The following ROR1 variants were observed in gnomAD, a reference collection of about 807,000 sequenced individuals.
The protein encoded by ROR1 is ROR family WNT receptor 1.
ROR1 carries 19 observed loss-of-function variants against 78.8 expected under a neutral mutation model. The ratio of observed to expected loss-of-function variants is 0.24; its 90% confidence interval spans 0.17 to 0.35. ROR1 has a LOEUF of 0.35. Among genes scored for constraint, ROR1 ranks in the 10% least tolerant of loss-of-function variants. The probability of loss-of-function intolerance (pLI) is 1.00; values close to 1 mark genes in which losing one functional copy is unlikely to be tolerated. For synonymous variants in ROR1, 386 were observed against 433.6 expected (o/e 0.89, Z 1.36); for missense variants, 917 against 1,177.8 (o/e 0.78, Z 3.24).
intron 2 of ROR1, among the ~76,000 whole-genome samples, chr1:64,035,826 CCAGACATCTTGCCAGAGTTTCACAAGAAA>C (rs1276583192): frequency 6.6e-6 from 1 of 152,118 alleles, no homozygotes; most frequent in Non-Finnish European, 1.5e-5. Flanking sequence ...CGAAACCTGG[CCAGACATCTTGCCAGAGTTTCACAAGAAA>C]CCCTTGCATC....
At chr1:64,038,714 C>T (rs1246213801) in intron 2 of ROR1, among the ~76,000 whole-genome samples, 1 of 152,136 alleles carries the variant, frequency 6.6e-6, no homozygotes, top group East Asian at 1.9e-4. Context: ...GATGAGTGAT[C>T]TTTGAGTGCA....
chr1:64,158,577 G>C (rs764942050), intron 7 of ROR1, among the ~76,000 whole-genome samples: 11 of 152,176 alleles, frequency 7.2e-5, no homozygotes, highest in Non-Finnish European at 5.9e-5. Flanking sequence ...TGTGGGGGCT[G>C]ATCTGGGCTG....
chr1:63,950,479 C>T (rs1408287810), intron 1 of ROR1, among the ~76,000 whole-genome samples: 1 of 152,166 alleles, frequency 6.6e-6, no homozygotes, highest in Non-Finnish European at 1.5e-5. Context: ...GTGAGGACGA[C>T]CAGAGGTCAC....
chr1:64,024,781 A>G (rs1646595171), intron 2 of ROR1, among the ~76,000 whole-genome samples: 1 of 151,984 alleles, frequency 6.6e-6, no homozygotes, highest in Non-Finnish European at 1.5e-5. Context: ...AAGTATTGTC[A>G]TTTTCTTGGT....
chr1:63,946,196 T>A (rs566299013), intron 1 of ROR1, among the ~76,000 whole-genome samples: 1 of 152,308 alleles, frequency 6.6e-6, no homozygotes, highest in East Asian at 1.9e-4. Context: ...TAGTTCTCTC[T>A]CAGGACACAC....
intron 1 of ROR1, among the ~76,000 whole-genome samples, chr1:63,780,710 G>T (rs1365759779): frequency 2.0e-5 from 3 of 152,218 alleles, no homozygotes. Context: ...ACCCAGGCCA[G>T]TGCTGGGGAC....
intron 2 of ROR1, among the ~76,000 whole-genome samples, chr1:64,049,171 T>C (rs1370506366): frequency 6.6e-6 from 1 of 152,194 alleles, no homozygotes; most frequent in East Asian, 1.9e-4. Flanking sequence ...TAACCTTATA[T>C]TGTCAGTAAC....
intron 4 of ROR1, among the ~76,000 whole-genome samples, chr1:64,115,690 T>C (rs549863559): frequency 6.6e-6 from 1 of 152,270 alleles, no homozygotes; most frequent in African/African-American, 2.4e-5. Context: ...TCATCTGCTT[T>C]TGCTCTATCT....
chr1:64,123,329 G>A (rs1177436256), intron 4 of ROR1, among the ~76,000 whole-genome samples: 1 of 152,124 alleles, frequency 6.6e-6, no homozygotes, highest in East Asian at 1.9e-4. Context: ...AGTTCCCGGG[G>A]TTTTATTCAT....
intron 1 of ROR1, among the ~76,000 whole-genome samples, chr1:63,940,436 A>G (rs1645827253): frequency 6.6e-6 from 1 of 152,120 alleles, no homozygotes; most frequent in African/African-American, 2.4e-5. Flanking sequence ...TGAAGCCACA[A>G]GTCTATTCGG....
chr1:64,133,535 A>T (rs150161796), intron 4 of ROR1, among the ~76,000 whole-genome samples: 1 of 152,314 alleles, frequency 6.6e-6, no homozygotes, highest in East Asian at 1.9e-4. Flanking sequence ...TCCCAATCCC[A>T]TGGCAGAGAA....
chr1:64,093,339 C>A (rs1647220116), intron 4 of ROR1, among the ~76,000 whole-genome samples: 1 of 152,106 alleles, frequency 6.6e-6, no homozygotes, highest in Non-Finnish European at 1.5e-5. Flanking sequence ...TCGGCCTTAA[C>A]AATGGAAGGC....
chr1:63,826,328 G>A (rs556967525), intron 1 of ROR1, among the ~76,000 whole-genome samples: 2 of 152,116 alleles, frequency 1.3e-5, no homozygotes, highest in Non-Finnish European at 2.9e-5. Context: ...CCACTTACAA[G>A]TGAGGACATG....
chr1:64,049,059 G>T (rs1003411006), intron 2 of ROR1, among the ~76,000 whole-genome samples: 1 of 152,108 alleles, frequency 6.6e-6, no homozygotes, highest in Non-Finnish European at 1.5e-5. Flanking sequence ...ATATATATGT[G>T]ATCAAAATAA....
At chr1:63,795,236 G>T (rs1373974561) in intron 1 of ROR1, among the ~76,000 whole-genome samples, 2 of 152,206 alleles carry the variant, frequency 1.3e-5, no homozygotes, top group East Asian at 3.9e-4. Context: ...TTGGAGCTAT[G>T]CCGGAGGTTC....
intron 1 of ROR1, among the ~76,000 whole-genome samples, chr1:63,920,010 A>G (rs962621801): frequency 1.3e-5 from 2 of 152,200 alleles, no homozygotes; most frequent in African/African-American, 4.8e-5. Context: ...CTCATGTTAT[A>G]GAAATGCAGT....
intron 1 of ROR1, among the ~76,000 whole-genome samples, chr1:63,944,342 A>G (rs1006301356): frequency 2.6e-5 from 4 of 152,244 alleles, no homozygotes; most frequent in African/African-American, 9.6e-5. Context: ...GAAGAAAAAA[A>G]AGAATCCCAG....
chr1:64,143,390 G>A (rs1015898151), intron 7 of ROR1: 58 of 962,090 alleles, frequency 6.0e-5, no homozygotes, highest in Non-Finnish European at 6.9e-5. Flanking sequence ...AGAAAATGTT[G>A]GTGAAACCTG....
intron 1 of ROR1, among the ~76,000 whole-genome samples, chr1:63,947,282 T>C (rs891142264): frequency 5.9e-5 from 9 of 152,292 alleles, no homozygotes; most frequent in African/African-American, 2.2e-4. Context: ...GATATTTAGC[T>C]TGGGGCTTAT....
Sources: gnomAD v4.1 joint callset for allele counts (sites outside exome capture counted in the v4.1 genomes callset) on GRCh38, gnomAD v4.1.1 for gene constraint, MANE v1.5 for transcripts, NCBI Gene and HGNC (gene_info 2026-07-23, HGNC 2026-07-21) for gene names.